Variants in MYO18A observed in about 807,000 individuals in gnomAD.
MYO18A encodes myosin XVIIIA, also known as unconventional myosin-XVIIIa.
Under a neutral mutation model 235.8 loss-of-function variants are expected in MYO18A, and 78 were observed. That is an observed-to-expected ratio of 0.33 (90% CI 0.28 to 0.40). The LOEUF is 0.40. MYO18A is among the 10% of genes least tolerant of loss of function. The pLI, the probability that MYO18A is intolerant of heterozygous loss-of-function variation, is 1.00. For missense variants in MYO18A, 2,215 were observed against 2,699.3 expected (o/e 0.82, Z 3.98); for synonymous variants, 977 against 1,077.8 (o/e 0.91, Z 1.83).
chr17:29,154,263 A>T (rs1326396591), intron 2 of MYO18A, among the ~76,000 whole-genome samples: 1 of 152,068 alleles, frequency 6.6e-6, no homozygotes, highest in African/African-American at 2.4e-5. Flanking sequence ...CAGCCCTGGG[A>T]GAGGCGTGTA....
At chr17:29,156,460 C>CTCTCA (rs2068068627) in intron 2 of MYO18A, among the ~76,000 whole-genome samples, 1 of 152,196 alleles carries the variant, frequency 6.6e-6, no homozygotes, top group South Asian at 2.1e-4. Context: ...GTGAGAGATG[C>CTCTCA]CAGGCCCCAG....
At chr17:29,080,018 A>C (rs563869192) in intron 41 of MYO18A, 710 of 985,936 alleles carry the variant, frequency 7.2e-4, no homozygotes, top group Non-Finnish European at 8.2e-4. Context: ...GAAGCTTCGG[A>C]GCCGGAGCTG....
intron 1 of MYO18A, among the ~76,000 whole-genome samples, chr17:29,169,240 T>C (rs774015979): frequency 1.3e-5 from 2 of 152,012 alleles, no homozygotes; most frequent in Non-Finnish European, 2.9e-5. Context: ...TTAGTGGAGA[T>C]GGGTTTTCAC....
intron 1 of MYO18A, chr17:29,176,762 C>T (rs938441945): frequency 6.6e-6 from 1 of 152,248 alleles, no homozygotes; most frequent in East Asian, 1.9e-4. Context: ...CCAGGTCACA[C>T]GGAGCTTATC....
intron 2 of MYO18A, among the ~76,000 whole-genome samples, chr17:29,138,760 C>A (rs2067665644): frequency 6.6e-6 from 1 of 152,206 alleles, no homozygotes; most frequent in Non-Finnish European, 1.5e-5. Flanking sequence ...AGTGGCAGAT[C>A]TGGGACTCAC....
intron 2 of MYO18A, among the ~76,000 whole-genome samples, chr17:29,149,504 C>T (rs1056046752): frequency 6.6e-6 from 1 of 152,190 alleles, no homozygotes; most frequent in Admixed American, 6.5e-5. Flanking sequence ...CCCACCCAGT[C>T]CCTGCATTGG....
chr17:29,132,520 T>C (rs762791840), intron 2 of MYO18A, among the ~76,000 whole-genome samples: 14 of 152,198 alleles, frequency 9.2e-5, no homozygotes, highest in Non-Finnish European at 1.5e-4. Flanking sequence ...GGTAGGAGCA[T>C]GGCAAGAAGT....
intron 11 of MYO18A, 87 bp downstream of exon 11, chr17:29,116,357 G>C: frequency 6.4e-7 from 1 of 1,550,596 alleles, no homozygotes; most frequent in African/African-American, 1.4e-5. Flanking sequence ...CAGGGGAAAG[G>C]GAACAGCCCG....
chr17:29,122,678 CG>C (rs2067229752), intron 2 of MYO18A, among the ~76,000 whole-genome samples: 1 of 152,246 alleles, frequency 6.6e-6, no homozygotes, highest in Non-Finnish European at 1.5e-5. Flanking sequence ...TAGGATCTTC[CG>C]TGCCCAGCTT....
chr17:29,122,021 T>C, intron 3 of MYO18A, 64 bp from the exon 4 acceptor site: 1 of 1,565,936 alleles, frequency 6.4e-7, no homozygotes, highest in Non-Finnish European at 8.8e-7. Context: ...ACTTGGGAAC[T>C]TCTCGGTCCT....
chr17:29,115,696 C>A lies in MYO18A; in HGVS notation c.2195G>T (p.Gly732Val), dbSNP rs1247328667. 1.2e-6 allele frequency: 2 copies of A among 1,606,326 alleles called. No homozygotes were observed. Among genetic ancestry groups the A allele is most frequent in the South Asian group, 1.1e-5 (1 of 89,524 alleles). ...TLQRSTSFRQ[G>V]PEESGLGDGT... ...ATCTCCCAGGCCACTCTCCTCGGGG[C>A]CCTGGCGGAAGGAGGTGGAGCGCTG... The change falls in exon 12 of 42, where the codon GGC becomes GTC. Residue 732 changes from glycine (G) to valine (V), a missense_variant. Gly to Val is a moderately radical substitution (Grantham distance 109). Transcript: ENST00000527372.
chr17:29,099,389 ATCCGG>A (rs2066600530), intron 22 of MYO18A, among the ~76,000 whole-genome samples: 2 of 152,112 alleles, frequency 1.3e-5, no homozygotes, highest in African/African-American at 4.8e-5. Context: ...GCAGCCTATG[ATCCGG>A]AGCCCACCTT....
rs1343803732 is a variant in MYO18A, at chr17:29,107,346, G to A, written c.3332-157C>T. 8 of 664,766 alleles carry A rather than the reference G, an allele frequency of 1.2e-5. No homozygotes were observed. In the Admixed American group the frequency reaches 1.5e-4, roughly 12 times the overall value. The allele number at this position is 664,766 out of a possible 1,614,324, so 41.2% of individuals were successfully genotyped here. On this transcript the variant is annotated intron_variant, in intron 19 of 41. Coordinates refer to ENST00000527372, the MANE Select transcript of MYO18A (RefSeq NM_078471.4). The stretch of plus-strand genomic sequence containing the variant: ...GTTGAAGGCAGGCCTAGAAAGGAGA[G>A]GGGGTAGGCAGGGAAGAGGAAGAGA...
At position 29,080,622 on chromosome 17, in the gene MYO18A, C is replaced by T. The variant is rs1241883680; in HGVS notation, c.6020+1694G>A. On this transcript the variant is annotated intron_variant, in intron 41 of 41. Transcript: ENST00000527372. Reference sequence around the variant, plus strand: ...GCGAGAAACTCAGGGAAGAGCCAGCCCTGTCTTCGCCAGAGCCCCGCCGCG... The same window carrying T: ...GCGAGAAACTCAGGGAAGAGCCAGCTCTGTCTTCGCCAGAGCCCCGCCGCG... 8 of 985,566 alleles carry T rather than the reference C, an allele frequency of 8.1e-6. No homozygotes were observed. In the African/African-American group the frequency reaches 1.4e-4, roughly 17 times the overall value. 61.1% of individuals were successfully genotyped at this position (985,566 alleles called of 1,614,324 possible). A position where few individuals can be genotyped will look rare whatever the true frequency, so the allele number is the denominator to read the frequency against.
intron 2 of MYO18A, among the ~76,000 whole-genome samples, chr17:29,139,543 G>C (rs2067686248): frequency 6.6e-6 from 1 of 152,090 alleles, no homozygotes; most frequent in African/African-American, 2.4e-5. Context: ...TCAGGCTCCT[G>C]ATGCACCTCC....
rs374805547 is a variant in MYO18A, at chr17:29,131,334, T to TGCCCGCACACACACAC, written c.1000-9097_1000-9082dup. The stretch of plus-strand genomic sequence containing the variant: ...ACACATGCACGCATGCACACACACA[T>TGCCCGCACACACACAC]GCCCGCACACACACACGCATGCCTC... On this transcript the variant is annotated intron_variant, in intron 2 of 41. Transcript: ENST00000527372. The TGCCCGCACACACACAC allele has an allele frequency of 3.0e-3, 2,886 of 948,936 alleles. 60 individuals carry two copies. In the African/African-American group the frequency reaches 0.048, roughly 16 times the overall value. The allele number at this position is 948,936 out of a possible 1,614,324, so 58.8% of individuals were successfully genotyped here.
chr17:29,163,609 A>G (rs2068219609), intron 2 of MYO18A, among the ~76,000 whole-genome samples: 1 of 152,210 alleles, frequency 6.6e-6, no homozygotes, highest in Non-Finnish European at 1.5e-5. Context: ...GGGCCTCCAA[A>G]GCTAAACCAT....
chr17:29,166,755 G>C lies in MYO18A; in HGVS notation c.186C>G (p.Ile62Met). 6.2e-7 allele frequency: 1 copy of C among 1,613,860 alleles called. No individual in the cohort carries two copies. The highest frequency in any genetic ancestry group is 8.5e-7 in the Non-Finnish European group (1 of 1,179,862). ...SKRESKTRLEISNPIPIKVAS... is the reference protein window; with the variant it reads ...SKRESKTRLEMSNPIPIKVAS... Reference sequence around the variant, plus strand: ...CCACCTTGATGGGGATGGGGTTGGAGATTTCCAGGCGCGTCTTGGATTCAC... The same window carrying C: ...CCACCTTGATGGGGATGGGGTTGGACATTTCCAGGCGCGTCTTGGATTCAC... The change falls in exon 2 of 42, where the codon ATC (isoleucine) becomes ATG (methionine). Residue 62 changes from isoleucine to methionine, a missense_variant. By Grantham distance (10) the Ile-to-Met change is conservative (BLOSUM62 1). Transcript: ENST00000527372.
rs1016536473 is a variant in MYO18A at position 29,089,901 on chromosome 17, G to A, written c.5526+60C>T. 37 of 1,604,298 alleles carry A rather than the reference G, an allele frequency of 2.3e-5. No homozygotes were observed. In the African/African-American group the frequency reaches 3.5e-4, roughly 15 times the overall value. On this transcript the variant is annotated intron_variant, in intron 37 of 41. Coordinates refer to ENST00000527372, the MANE Select transcript of MYO18A (RefSeq NM_078471.4). The stretch of plus-strand genomic sequence containing the variant: ...TGTCCAGCCCTGCTGAGCATGCGCG[G>A]CTCCAGCGCTGGGGCAGCTCTGCCC...
Sources: gnomAD v4.1 joint callset for allele counts (sites outside exome capture counted in the v4.1 genomes callset) on GRCh38, gnomAD v4.1.1 for gene constraint, MANE v1.5 for transcripts, NCBI Gene and HGNC (gene_info 2026-07-23, HGNC 2026-07-21) for gene names.